The following LHFPL3 variants were observed in gnomAD, a reference collection of about 807,000 sequenced individuals.
The protein encoded by LHFPL3 is LHFPL tetraspan subfamily member 3.
Under a neutral mutation model 19.3 loss-of-function variants are expected in LHFPL3, and 5 were observed. That is an observed-to-expected ratio of 0.26 (90% confidence interval 0.14 to 0.54). The LOEUF is 0.54. LHFPL3 is among the 20% of genes least tolerant of loss of function. The pLI is 0.94. For synonymous variants in LHFPL3, 133 were observed against 126.2 expected (o/e 1.05, Z -0.36); for missense variants, 249 against 307.4 (o/e 0.81, Z 1.42).
At chr7:104,588,331 A>T (rs537208841) in intron 1 of LHFPL3, among the ~76,000 whole-genome samples, 1 of 152,224 alleles carries the variant, frequency 6.6e-6, no homozygotes, top group South Asian at 2.1e-4. Flanking sequence ...AGCTTCCTAC[A>T]TATGGCTAGC....
intron 1 of LHFPL3, among the ~76,000 whole-genome samples, chr7:104,391,035 G>GT (rs994434389): frequency 2.0e-5 from 3 of 152,134 alleles, no homozygotes; most frequent in Non-Finnish European, 4.4e-5. Flanking sequence ...GGGGTTGTTT[G>GT]TTTTTTTCTT....
At chr7:104,673,103 C>T (rs1345675185) in intron 1 of LHFPL3, among the ~76,000 whole-genome samples, 3 of 152,214 alleles carry the variant, frequency 2.0e-5, no homozygotes, top group Non-Finnish European at 4.4e-5. Context: ...CAGCAGACCC[C>T]TGCAGGGTTA....
At chr7:104,466,467 A>G (rs1346323570) in intron 1 of LHFPL3, among the ~76,000 whole-genome samples, 1 of 152,250 alleles carries the variant, frequency 6.6e-6, no homozygotes, top group Non-Finnish European at 1.5e-5. Context: ...TCAGACAGCT[A>G]CGTATATTGG....
intron 1 of LHFPL3, among the ~76,000 whole-genome samples, chr7:104,482,750 G>T (rs976269964): frequency 5.3e-5 from 8 of 152,196 alleles, no homozygotes; most frequent in African/African-American, 1.9e-4. Context: ...AAGGCAGCTG[G>T]CAAGTTGCCC....
intron 2 of LHFPL3, among the ~76,000 whole-genome samples, chr7:104,819,991 ACTCTGT>A (rs1790647404): frequency 6.6e-6 from 1 of 152,006 alleles, no homozygotes; most frequent in Admixed American, 6.6e-5. Flanking sequence ...GGAAGAGAAA[ACTCTGT>A]CTCTGTTCTA....
chr7:104,551,606 T>C (rs1417562922), intron 1 of LHFPL3, among the ~76,000 whole-genome samples: 1 of 152,142 alleles, frequency 6.6e-6, no homozygotes, highest in African/African-American at 2.4e-5. Context: ...TTATTTATTA[T>C]AGTATTAATA....
intron 1 of LHFPL3, among the ~76,000 whole-genome samples, chr7:104,618,519 C>T (rs1036545180): frequency 2.6e-5 from 4 of 152,170 alleles, no homozygotes; most frequent in Non-Finnish European, 5.9e-5. Flanking sequence ...TTTGCTGCCT[C>T]TAATTGCCTC....
chr7:104,660,652 C>A (rs972359825), intron 1 of LHFPL3, among the ~76,000 whole-genome samples: 12 of 152,150 alleles, frequency 7.9e-5, no homozygotes, highest in Admixed American at 1.3e-4. Context: ...AGGAAATAGG[C>A]CACTCTCTGG....
chr7:104,393,602 A>C (rs915404114), intron 1 of LHFPL3, among the ~76,000 whole-genome samples: 4 of 151,980 alleles, frequency 2.6e-5, no homozygotes, highest in African/African-American at 4.8e-5. Flanking sequence ...TGTAATCCCA[A>C]CTACTCAGGA....
chr7:104,677,017 A>G (rs1298700667), intron 1 of LHFPL3, among the ~76,000 whole-genome samples: 1 of 152,274 alleles, frequency 6.6e-6, no homozygotes, highest in Non-Finnish European at 1.5e-5. Context: ...TAAACAAACT[A>G]TAGCATGTCC....
At chr7:104,392,624 C>T (rs1791098986) in intron 1 of LHFPL3, among the ~76,000 whole-genome samples, 1 of 152,168 alleles carries the variant, frequency 6.6e-6, no homozygotes, top group Non-Finnish European at 1.5e-5. Flanking sequence ...CAATGTTCAT[C>T]AGGGATATTG....
intron 1 of LHFPL3, among the ~76,000 whole-genome samples, chr7:104,457,109 C>A (rs1390094883): frequency 6.6e-6 from 1 of 151,874 alleles, no homozygotes; most frequent in East Asian, 1.9e-4. Flanking sequence ...CTTTTATGCC[C>A]ACTACATTTT....
rs117278566 is a variant in LHFPL3, at chr7:104,422,432, T to G, written c.445+93208T>G. On this transcript the variant is annotated intron_variant, in intron 1 of 2. Transcript: ENST00000424859. Reference sequence around the variant, plus strand: ...ACCCATCCAGTCTATGGGGCTTCATTATAACAGCCCAAGACAATTGGCATA... The same window carrying G: ...ACCCATCCAGTCTATGGGGCTTCATGATAACAGCCCAAGACAATTGGCATA... Among the ~76,000 whole-genome samples the G allele has an allele frequency of 7.6e-3, 1,157 of 152,328 alleles. 78 individuals carry two copies. The East Asian group carries it at 0.16, about 22-fold the overall frequency.
At chr7:104,831,984 T>C (rs35146170) in intron 2 of LHFPL3, among the ~76,000 whole-genome samples, 13,816 of 151,966 alleles carry the variant, frequency 0.091, 1,475 homozygotes, top group East Asian at 0.44. Flanking sequence ...CCCTGATTAG[T>C]CCTACAATCA....
chr7:104,364,154 G>C (rs1273306248), intron 1 of LHFPL3, among the ~76,000 whole-genome samples: 1 of 152,138 alleles, frequency 6.6e-6, no homozygotes, highest in South Asian at 2.1e-4. Flanking sequence ...AGATAGCCTG[G>C]GAGACAGAAG....
At chr7:104,863,255 G>A (rs771479987) in intron 2 of LHFPL3, among the ~76,000 whole-genome samples, 1 of 152,138 alleles carries the variant, frequency 6.6e-6, no homozygotes, top group Non-Finnish European at 1.5e-5. Context: ...TGATGGGTAG[G>A]GGGTTGACCT....
chr7:104,616,064 A>G (rs1458482119), intron 1 of LHFPL3, among the ~76,000 whole-genome samples: 1 of 152,224 alleles, frequency 6.6e-6, no homozygotes, highest in Non-Finnish European at 1.5e-5. Flanking sequence ...CATACTGCCC[A>G]AAGTAATTTA....
chr7:104,525,316 T>G (rs997013133), intron 1 of LHFPL3, among the ~76,000 whole-genome samples: 2 of 152,186 alleles, frequency 1.3e-5, no homozygotes, highest in Non-Finnish European at 2.9e-5. Flanking sequence ...ATCTGAAGAC[T>G]TCAGTATAAA....
rs562300647 is a variant in LHFPL3, at chr7:104,744,344, C to T, written c.682+7433C>T. 3.3e-5 allele frequency among the ~76,000 whole-genome samples: 5 copies of T among 151,970 alleles called. 1 individual carries two copies. The highest frequency in any genetic ancestry group is 1.2e-4 in the African/African-American group (5 of 41,500). On this transcript the variant is annotated intron_variant, in intron 2 of 2. Coordinates refer to ENST00000424859, the MANE Select transcript of LHFPL3 (RefSeq NM_199000.3). ...CCTTACTGAAGTAAGATCAGGAAGC[C>T]CAGAAAAAAAAGTATCTTCAAGTGC...
Sources: allele counts gnomAD v4.1 joint callset (sites outside exome capture counted in the v4.1 genomes callset), GRCh38; gene constraint gnomAD v4.1.1; transcripts MANE v1.5; gene names NCBI Gene and HGNC (gene_info 2026-07-23, HGNC 2026-07-21).